Variants in DENND5B observed in about 807,000 individuals in gnomAD.
DENND5B encodes DENN domain-containing protein 5B.
In DENND5B, 34 loss-of-function variants were observed where a neutral mutation model predicts 140.6. That is an observed-to-expected ratio of 0.24 (90% confidence interval 0.18 to 0.32). The LOEUF is 0.32. DENND5B is among the 10% of genes least tolerant of loss of function. The pLI, the probability that DENND5B is intolerant of heterozygous loss-of-function variation, is 1.00. For missense variants in DENND5B, 1,142 were observed against 1,560.2 expected (o/e 0.73, Z 4.52); for synonymous variants, 551 against 562.1 (o/e 0.98, Z 0.28).
intron 2 of DENND5B, among the ~76,000 whole-genome samples, chr12:31,494,921 A>C (rs1946699227): frequency 6.6e-6 from 1 of 152,154 alleles, no homozygotes; most frequent in Non-Finnish European, 1.5e-5. Context: ...ATTTTTAATA[A>C]ATCTCTGCTT....
At chr12:31,488,994 C>T (rs367681609) in intron 2 of DENND5B, among the ~76,000 whole-genome samples, 2 of 152,122 alleles carry the variant, frequency 1.3e-5, no homozygotes, top group African/African-American at 4.8e-5. Flanking sequence ...TTCTCTAGAC[C>T]GTTTCAGGCA....
chr12:31,498,740 A>G (rs560147985), intron 1 of DENND5B, among the ~76,000 whole-genome samples: 6 of 152,248 alleles, frequency 3.9e-5, no homozygotes, highest in African/African-American at 1.4e-4. Context: ...TGGGAGGCTG[A>G]GGCAGGTGGA....
At chr12:31,566,157 A>T (rs11502786) in intron 1 of DENND5B, among the ~76,000 whole-genome samples, 5 of 152,096 alleles carry the variant, frequency 3.3e-5, no homozygotes, top group Non-Finnish European at 4.4e-5. Context: ...AAAAAAAATT[A>T]AAAAATATAA....
chr12:31,450,941 CA>C (rs1944486967), intron 5 of DENND5B, among the ~76,000 whole-genome samples: 2 of 152,204 alleles, frequency 1.3e-5, no homozygotes, highest in South Asian at 4.1e-4. Flanking sequence ...CAGAAGAATC[CA>C]GTACCCCTTA....
At chr12:31,542,943 C>T (rs550164925) in intron 1 of DENND5B, among the ~76,000 whole-genome samples, 6 of 152,212 alleles carry the variant, frequency 3.9e-5, no homozygotes, top group Admixed American at 3.9e-4. Context: ...GGCGACAGAG[C>T]CAGACCCTGT....
chr12:31,423,585 A>G lies in DENND5B; in HGVS notation c.2470+12T>C. 1 of 1,613,482 alleles carries G rather than the reference A, an allele frequency of 6.2e-7. No homozygotes were observed. Among genetic ancestry groups the G allele is most frequent in the Non-Finnish European group, 8.5e-7 (1 of 1,179,552 alleles). ...GTCCAGTGCTGCTAGTTCTTTACCAATGATGTCATACCTGGTGATTCTGCA... is the reference window on the plus strand; with the variant it reads ...GTCCAGTGCTGCTAGTTCTTTACCAGTGATGTCATACCTGGTGATTCTGCA... On this transcript the variant is annotated intron_variant, in intron 11 of 20. Transcript: ENST00000389082.
At chr12:31,588,399 C>T (rs187672758) in intron 1 of DENND5B, among the ~76,000 whole-genome samples, 49 of 152,316 alleles carry the variant, frequency 3.2e-4, no homozygotes, top group Admixed American at 1.7e-3. Flanking sequence ...TATATACAGT[C>T]GGCACTTCAC....
intron 10 of DENND5B, 92 bp downstream of exon 10, chr12:31,424,443 T>C: frequency 8.6e-7 from 1 of 1,162,104 alleles, no homozygotes; most frequent in Non-Finnish European, 1.2e-6. Flanking sequence ...CAAAAGAGCC[T>C]ATTTTTTTTT....
intron 1 of DENND5B, among the ~76,000 whole-genome samples, chr12:31,559,236 C>A (rs79924134): frequency 2.6e-5 from 4 of 152,158 alleles, no homozygotes; most frequent in Non-Finnish European, 2.9e-5. Context: ...AAGCTACCCT[C>A]CCTAAGTTAT....
At chr12:31,448,135 GTTT>G (rs536837626) in intron 5 of DENND5B, among the ~76,000 whole-genome samples, 4 of 145,762 alleles carry the variant, frequency 2.7e-5, no homozygotes, top group East Asian at 2.0e-4. Context: ...TTGTAATTTC[GTTT>G]TTTTTTTTTC....
intron 1 of DENND5B, among the ~76,000 whole-genome samples, chr12:31,556,207 T>C (rs921799905): frequency 4.7e-5 from 7 of 149,918 alleles, no homozygotes; most frequent in African/African-American, 9.7e-5. Context: ...TCCTCCCCCC[T>C]TTTTTTTCTT....
chr12:31,485,968 C>A (rs917034200), intron 2 of DENND5B, among the ~76,000 whole-genome samples: 1 of 152,220 alleles, frequency 6.6e-6, no homozygotes, highest in Non-Finnish European at 1.5e-5. Flanking sequence ...TCCAAACTAA[C>A]ACCAAGTAGA....
intron 1 of DENND5B, among the ~76,000 whole-genome samples, chr12:31,584,787 A>G (rs1950337215): frequency 1.3e-5 from 2 of 152,070 alleles, no homozygotes; most frequent in African/African-American, 4.8e-5. Context: ...ACATTGCACC[A>G]CTGCACTCCA....
At chr12:31,413,367 A>G in intron 13 of DENND5B, 69 bp downstream of exon 13, 5 of 1,550,750 alleles carry the variant, frequency 3.2e-6, no homozygotes, top group Non-Finnish European at 4.4e-6. Flanking sequence ...CCAGTTTGTC[A>G]GTTTATGCAA....
chr12:31,559,207 G>A (rs1045829250), intron 1 of DENND5B, among the ~76,000 whole-genome samples: 1 of 152,152 alleles, frequency 6.6e-6, no homozygotes, highest in African/African-American at 2.4e-5. Flanking sequence ...TGGAGGAAAC[G>A]ATGAACTCAT....
intron 1 of DENND5B, among the ~76,000 whole-genome samples, chr12:31,563,772 A>C (rs1448280084): frequency 1.3e-5 from 2 of 152,208 alleles, no homozygotes; most frequent in Non-Finnish European, 2.9e-5. Flanking sequence ...CAAATAAAAA[A>C]ATTTAAGTCA....
intron 1 of DENND5B, among the ~76,000 whole-genome samples, chr12:31,559,916 T>C (rs942205882): frequency 2.0e-5 from 3 of 152,288 alleles, no homozygotes; most frequent in Admixed American, 6.5e-5. Flanking sequence ...CCTTCTTTAC[T>C]GTTCTATTCT....
chr12:31,411,408 G>A (rs372669371), intron 13 of DENND5B, among the ~76,000 whole-genome samples: 8 of 140,046 alleles, frequency 5.7e-5, no homozygotes, highest in Non-Finnish European at 9.1e-5. Flanking sequence ...GCAGTGGCGC[G>A]ATCTCGGCTC....
chr12:31,415,351 T>C lies in DENND5B; in HGVS notation c.2552+16A>G, dbSNP rs1278407976. On this transcript the variant is annotated intron_variant, in intron 12 of 20. Transcript: ENST00000389082. ...AGTTATCACCACATGCTAACACATG[T>C]ATTAATAACAAATACCTCATGTCCT... The C allele has an allele frequency of 6.3e-7, 1 of 1,585,812 alleles. No individual in the cohort carries two copies. Among genetic ancestry groups the C allele is most frequent in the South Asian group, 1.2e-5 (1 of 86,236 alleles).
Sources: gnomAD v4.1 joint callset for allele counts (sites outside exome capture counted in the v4.1 genomes callset) on GRCh38, gnomAD v4.1.1 for gene constraint, MANE v1.5 for transcripts, NCBI Gene and HGNC (gene_info 2026-07-23, HGNC 2026-07-21) for gene names.